The following MAP4K3 variants were observed in gnomAD, a reference collection of about 807,000 sequenced individuals.
MAP4K3 encodes the protein mitogen-activated protein kinase kinase kinase kinase 3.
A neutral mutation model predicts 143.5 loss-of-function variants in MAP4K3; 94 were observed. The observed-to-expected ratio is 0.65, with a 90% CI of 0.55 to 0.78. MAP4K3 has a LOEUF of 0.78. Among genes scored for constraint, MAP4K3 ranks in the 30% least tolerant of loss-of-function variants. The probability of loss-of-function intolerance (pLI) is 0.00; values close to 1 mark genes in which losing one functional copy is unlikely to be tolerated. For missense variants in MAP4K3, 1,077 were observed against 1,068.1 expected (o/e 1.01, Z -0.12); for synonymous variants, 416 against 347.2 (o/e 1.20, Z -2.20).
intron 28 of MAP4K3, among the ~76,000 whole-genome samples, chr2:39,263,051 C>T (rs1680629231): frequency 6.6e-6 from 1 of 151,758 alleles, no homozygotes; most frequent in African/African-American, 2.4e-5. Flanking sequence ...GAGATCATGC[C>T]ACTGCACTCC....
At chr2:39,411,697 A>G (rs970163613) in intron 1 of MAP4K3, among the ~76,000 whole-genome samples, 2 of 152,206 alleles carry the variant, frequency 1.3e-5, no homozygotes, top group Non-Finnish European at 2.9e-5. Flanking sequence ...AAGTACTTTC[A>G]TGAGCACAGA....
intron 24 of MAP4K3, among the ~76,000 whole-genome samples, chr2:39,274,302 C>T (rs557792033): frequency 8.6e-5 from 13 of 151,556 alleles, no homozygotes; most frequent in South Asian, 2.1e-4. Flanking sequence ...CTGCAAGCTC[C>T]GCCTCCCAGG....
At chr2:39,328,751 T>C (rs1271921933) in intron 8 of MAP4K3, among the ~76,000 whole-genome samples, 1 of 152,172 alleles carries the variant, frequency 6.6e-6, no homozygotes, top group Non-Finnish European at 1.5e-5. Flanking sequence ...AGAAATGTAG[T>C]TGATGCATTG....
intron 1 of MAP4K3, among the ~76,000 whole-genome samples, chr2:39,413,331 G>C (rs1170944183): frequency 4.6e-5 from 7 of 152,092 alleles, no homozygotes; most frequent in Non-Finnish European, 1.0e-4. Context: ...CCTAATTAAC[G>C]AGGGAGCTAG....
chr2:39,356,769 C>CTAT (rs1454992433), intron 2 of MAP4K3, among the ~76,000 whole-genome samples: 1 of 152,154 alleles, frequency 6.6e-6, no homozygotes, highest in Admixed American at 6.5e-5. Flanking sequence ...CAAGTATTTG[C>CTAT]TATTATTATT....
At chr2:39,351,789 C>G (rs1036078171) in intron 3 of MAP4K3, among the ~76,000 whole-genome samples, 7 of 152,122 alleles carry the variant, frequency 4.6e-5, no homozygotes, top group Non-Finnish European at 8.8e-5. Context: ...CTGCTTCAGC[C>G]TCCCTAGTAG....
chr2:39,328,980 A>C (rs1306222739), intron 8 of MAP4K3, among the ~76,000 whole-genome samples: 2 of 152,210 alleles, frequency 1.3e-5, no homozygotes, highest in African/African-American at 2.4e-5. Flanking sequence ...TCACTTGGGA[A>C]GAGAGAGGTT....
intron 2 of MAP4K3, among the ~76,000 whole-genome samples, chr2:39,373,682 G>C (rs925527593): frequency 6.6e-6 from 1 of 152,170 alleles, no homozygotes; most frequent in African/African-American, 2.4e-5. Flanking sequence ...ATATAAACCA[G>C]GCACAGAAAG....
chr2:39,339,225 G>C (rs1303795010), intron 4 of MAP4K3, among the ~76,000 whole-genome samples: 2 of 152,134 alleles, frequency 1.3e-5, no homozygotes, highest in Non-Finnish European at 2.9e-5. Flanking sequence ...TTAAGGACCG[G>C]GTTGGGTTTA....
intron 1 of MAP4K3, among the ~76,000 whole-genome samples, chr2:39,424,620 A>T (rs1665004927): frequency 6.6e-6 from 1 of 152,032 alleles, no homozygotes; most frequent in East Asian, 1.9e-4. Flanking sequence ...GCCTGAGCCC[A>T]GGAGTTTGAT....
intron 2 of MAP4K3, among the ~76,000 whole-genome samples, chr2:39,357,344 C>T (rs1447203697): frequency 2.0e-5 from 3 of 152,152 alleles, no homozygotes; most frequent in Non-Finnish European, 4.4e-5. Flanking sequence ...TATGAATAGC[C>T]TGATTAAATG....
chr2:39,301,788 G>A (rs1434235583), intron 15 of MAP4K3, among the ~76,000 whole-genome samples: 3 of 152,168 alleles, frequency 2.0e-5, no homozygotes, highest in African/African-American at 7.2e-5. Context: ...CTTCGGGAGG[G>A]CCGAGGCGGG....
At chr2:39,296,354 T>C (rs565787205) in intron 16 of MAP4K3, among the ~76,000 whole-genome samples, 10 of 152,230 alleles carry the variant, frequency 6.6e-5, no homozygotes, top group Non-Finnish European at 1.0e-4. Context: ...ACTGATTTAT[T>C]CACCAAGATT....
chr2:39,368,208 A>G (rs938510168), intron 2 of MAP4K3, among the ~76,000 whole-genome samples: 1 of 152,168 alleles, frequency 6.6e-6, no homozygotes, highest in Non-Finnish European at 1.5e-5. Context: ...TACAGTTTCT[A>G]TATGTAAAGT....
At chr2:39,308,556 T>C (rs958765124) in intron 14 of MAP4K3, among the ~76,000 whole-genome samples, 1 of 152,136 alleles carries the variant, frequency 6.6e-6, no homozygotes, top group African/African-American at 2.4e-5. Flanking sequence ...TTTCTTCTCA[T>C]TATTAAATAG....
chr2:39,296,758 T>C (rs2148485041), intron 16 of MAP4K3, among the ~76,000 whole-genome samples: 1 of 152,366 alleles, frequency 6.6e-6, no homozygotes, highest in Non-Finnish European at 1.5e-5. Context: ...CTCACATTAC[T>C]ACTTGTTCAT....
In MAP4K3 at chr2:39,267,438, C is replaced by T. The variant is rs914655118; in HGVS notation, c.1974-191G>A. On this transcript the variant is annotated intron_variant, in intron 26 of 33. Coordinates refer to ENST00000263881, the MANE Select transcript of MAP4K3 (RefSeq NM_003618.4). ...CTGTAATCCCAGCACTTTGGGAGGCCGAGGTGGGCGGATCACAAGGTCAAG... is the reference window on the plus strand; with the variant it reads ...CTGTAATCCCAGCACTTTGGGAGGCTGAGGTGGGCGGATCACAAGGTCAAG... The T allele has an allele frequency of 6.2e-5, 33 of 533,896 alleles. No individual in the cohort carries two copies. In the Admixed American group the frequency reaches 7.6e-4, roughly 12 times the overall value. The allele number at this position is 533,896 out of a possible 1,614,324, so 33.1% of individuals were successfully genotyped here. A position where few individuals can be genotyped will look rare whatever the true frequency, so the allele number is the denominator to read the frequency against.
chr2:39,385,728 C>T (rs956986592), intron 1 of MAP4K3, among the ~76,000 whole-genome samples: 1 of 150,948 alleles, frequency 6.6e-6, no homozygotes, highest in Non-Finnish European at 1.5e-5. Flanking sequence ...CTCCCGGGTT[C>T]AAGCGATTCT....
At chr2:39,417,987 G>A (rs1421857395) in intron 1 of MAP4K3, among the ~76,000 whole-genome samples, 1 of 152,118 alleles carries the variant, frequency 6.6e-6, no homozygotes, top group African/African-American at 2.4e-5. Context: ...CAGATTATGA[G>A]GTCAAGAGAC....
Sources: allele counts gnomAD v4.1 joint callset (sites outside exome capture counted in the v4.1 genomes callset), GRCh38; gene constraint gnomAD v4.1.1; transcripts MANE v1.5; gene names NCBI Gene and HGNC (gene_info 2026-07-23, HGNC 2026-07-21).